Variants in ARHGEF10 observed in about 807,000 individuals in gnomAD.
ARHGEF10 encodes Rho guanine nucleotide exchange factor 10, also known as Rho guanine nucleotide exchange factor (GEF) 10.
In ARHGEF10, 140 loss-of-function variants were observed where a neutral mutation model predicts 147.4. That is an observed-to-expected ratio of 0.95 (90% confidence interval 0.83 to 1.09). The LOEUF (loss-of-function observed/expected upper bound fraction) is 1.09, where lower values mean the gene tolerates loss of function less well. Ranked by LOEUF, ARHGEF10 falls within the 50% of genes least tolerant of loss-of-function variation. The pLI is 0.00. For synonymous variants in ARHGEF10, 902 were observed against 695.8 expected (o/e 1.30, Z -4.67); for missense variants, 2,222 against 1,752.7 (o/e 1.27, Z -4.78).
rs1814505190 is a variant in ARHGEF10 at position 1,945,591 on chromosome 8, C to T, written c.3333C>T (p.His1111=). The T allele has an allele frequency of 1.2e-6, 2 of 1,614,254 alleles. No individual in the cohort carries two copies. The highest frequency in any genetic ancestry group is 1.7e-6 in the Non-Finnish European group (2 of 1,180,048). Residue 1111 remains histidine, a synonymous_variant, in exon 27 of 29, where the codon CAC becomes CAT. Coordinates refer to ENST00000349830, the MANE Select transcript of ARHGEF10 (RefSeq NM_014629.4). ...CAGGGTCCACGCTCCGCCTTTTTCA[C>T]ACGGAAACTCTCAAGCACCTGCAGG... ...FTSGSTLRLF[H]TETLKHLQDI...
Position 1,909,284 on chromosome 8 carries a change from G to A in ARHGEF10, c.1968-11G>A, listed in dbSNP as rs1811165024. 6.2e-7 allele frequency: 1 copy of A among 1,614,190 alleles called. No homozygotes were observed. Among genetic ancestry groups the A allele is most frequent in the South Asian group, 1.1e-5 (1 of 91,076 alleles). ...ATTATTCGTAAAACAAGGATCTTTT[G>A]GTCGTTTCAGCCCCTCTCATGACAG... is the stretch of plus-strand genomic sequence containing the variant. On this transcript the variant is annotated splice_polypyrimidine_tract_variant and intron_variant, in intron 17 of 28. Transcript: ENST00000349830.
intron 18 of ARHGEF10, among the ~76,000 whole-genome samples, chr8:1,921,839 C>T (rs1037937504): frequency 6.6e-6 from 1 of 152,166 alleles, no homozygotes; most frequent in Non-Finnish European, 1.5e-5. Context: ...TTCTACAGAC[C>T]CATGGCCGGG....
chr8:1,867,718 A>C (rs1320895925), intron 6 of ARHGEF10, among the ~76,000 whole-genome samples: 1 of 152,222 alleles, frequency 6.6e-6, no homozygotes, highest in African/African-American at 2.4e-5. Flanking sequence ...TAATTTTTAA[A>C]GGAAAAGCAA....
At chr8:1,934,296 T>C (rs924213047) in intron 26 of ARHGEF10, among the ~76,000 whole-genome samples, 3 of 147,598 alleles carry the variant, frequency 2.0e-5, no homozygotes, top group Non-Finnish European at 4.4e-5. Context: ...CCAGGCTTCA[T>C]TGAGCCAAGA....
rs1262041491 is a variant in ARHGEF10, at chr8:1,907,028, G to A, written c.1967+1312G>A. ...GACAGCCGCAGGCCACCTGCCTTCT[G>A]TGTGCAGAAGTGAAGCCCACTGCAC... On this transcript the variant is annotated intron_variant, in intron 17 of 28. Transcript: ENST00000349830. Among the ~76,000 whole-genome samples, 10 of 152,374 alleles carry A rather than the reference G, an allele frequency of 6.6e-5. No individual in the cohort carries two copies. In the East Asian group the frequency reaches 1.7e-3, roughly 26 times the overall value.
At chr8:1,895,232 C>T (rs933070142) in intron 13 of ARHGEF10, among the ~76,000 whole-genome samples, 1 of 152,146 alleles carries the variant, frequency 6.6e-6, no homozygotes, top group African/African-American at 2.4e-5. Flanking sequence ...ATCCTCACTC[C>T]GTGTATGAAT....
rs1807450959 is a variant in ARHGEF10, at chr8:1,874,281, A to AGT, written c.680-2289_680-2288dup. On this transcript the variant is annotated intron_variant, in intron 7 of 28. Transcript: ENST00000349830. ...GTTTTTCACACATCTGAATAGCCTG[A>AGT]GTTCTAACAGACCTAAGTAAAGGCG... 2.6e-5 allele frequency among the ~76,000 whole-genome samples: 4 copies of AGT among 152,176 alleles called. No homozygotes were observed. The South Asian group carries it at 8.3e-4, about 31-fold the overall frequency.
At chr8:1,946,367 C>T (rs997237537) in intron 27 of ARHGEF10, among the ~76,000 whole-genome samples, 2 of 152,180 alleles carry the variant, frequency 1.3e-5, no homozygotes, top group African/African-American at 4.8e-5. Flanking sequence ...GTGACACACG[C>T]CACAGACGGG....
At chr8:1,925,769 T>C (rs55893239) in intron 22 of ARHGEF10, among the ~76,000 whole-genome samples, 9,392 of 152,272 alleles carry the variant, frequency 0.062, 398 homozygotes, top group Middle Eastern at 0.11. Flanking sequence ...CCAGGTCTCC[T>C]GTCTGCTTGA....
intron 1 of ARHGEF10, chr8:1,826,165 T>C: frequency 3.8e-6 from 6 of 1,574,902 alleles, no homozygotes; most frequent in Non-Finnish European, 5.2e-6. Flanking sequence ...TAAGGTGCTA[T>C]TTGTAATTCA....
At chr8:1,840,407 G>C (rs1011026723) in intron 1 of ARHGEF10, among the ~76,000 whole-genome samples, 6 of 139,248 alleles carry the variant, frequency 4.3e-5, no homozygotes, top group African/African-American at 1.1e-4. Context: ...TCTGGTGTGG[G>C]GACTGTCTGG....
chr8:1,839,612 G>T (rs111162134), intron 1 of ARHGEF10, among the ~76,000 whole-genome samples: 7 of 137,468 alleles, frequency 5.1e-5, no homozygotes, highest in African/African-American at 8.6e-5. Context: ...CTGCTGTGGG[G>T]ACTGTCTGGT....
chr8:1,932,283 G>A (rs1355250481), intron 25 of ARHGEF10, among the ~76,000 whole-genome samples: 1 of 152,120 alleles, frequency 6.6e-6, no homozygotes, highest in African/African-American at 2.4e-5. Flanking sequence ...TGTGCATTGT[G>A]TGAGCAGGTG....
At chr8:1,916,903 C>G (rs542480637) in intron 18 of ARHGEF10, among the ~76,000 whole-genome samples, 1 of 152,366 alleles carries the variant, frequency 6.6e-6, no homozygotes, top group Admixed American at 6.5e-5. Flanking sequence ...CTTTTCCTCA[C>G]ACCATTGTCC....
intron 2 of ARHGEF10, among the ~76,000 whole-genome samples, chr8:1,856,911 G>T (rs1357796093): frequency 1.3e-5 from 2 of 152,184 alleles, no homozygotes; most frequent in Non-Finnish European, 2.9e-5. Context: ...GTGCCGGGTG[G>T]TGTTGTCCCA....
intron 10 of ARHGEF10, among the ~76,000 whole-genome samples, chr8:1,884,412 A>G (rs1351426282): frequency 1.4e-5 from 2 of 139,906 alleles, no homozygotes; most frequent in African/African-American, 5.2e-5. Flanking sequence ...AAAAAAAAAA[A>G]GGGCAAATCC....
intron 28 of ARHGEF10, among the ~76,000 whole-genome samples, chr8:1,954,184 G>T (rs1044822661): frequency 5.9e-5 from 9 of 151,884 alleles, no homozygotes; most frequent in Non-Finnish European, 1.2e-4. Context: ...CCCTCTGCCT[G>T]CCAGGTTCAA....
At chr8:1,950,051 C>T (rs1011947644) in intron 27 of ARHGEF10, among the ~76,000 whole-genome samples, 3 of 152,130 alleles carry the variant, frequency 2.0e-5, no homozygotes, top group Non-Finnish European at 4.4e-5. Flanking sequence ...CTGGTGACTC[C>T]CCACGGAGTC....
At chr8:1,894,729 C>T (rs1407094174) in intron 13 of ARHGEF10, among the ~76,000 whole-genome samples, 157 bp downstream of exon 13, 3 of 152,176 alleles carry the variant, frequency 2.0e-5, no homozygotes, top group Non-Finnish European at 2.9e-5. Flanking sequence ...CCTGGCCAAG[C>T]GTGTGCGCTA....
Sources: allele counts gnomAD v4.1 joint callset (sites outside exome capture counted in the v4.1 genomes callset), GRCh38; gene constraint gnomAD v4.1.1; transcripts MANE v1.5; gene names NCBI Gene and HGNC (gene_info 2026-07-23, HGNC 2026-07-21).